Variants in CDH18 observed in about 807,000 individuals in gnomAD.
CDH18 encodes cadherin-18.
In CDH18, 31 loss-of-function variants were observed where a neutral mutation model predicts 67.9. The ratio of observed to expected loss-of-function variants is 0.46; its 90% CI spans 0.34 to 0.62. The LOEUF is 0.62. Ranked by LOEUF, CDH18 falls within the 20% of genes least tolerant of loss-of-function variation. The pLI, the probability that CDH18 is intolerant of heterozygous loss-of-function variation, is 0.01. For missense variants in CDH18, 890 were observed against 975.5 expected, an observed-to-expected ratio of 0.91 and a Z score of 1.17; for synonymous variants, 362 against 347.2, an observed-to-expected ratio of 1.04 and a Z score of -0.48.
chr5:20,270,746 G>C (rs559180697), intron 1 of CDH18, among the ~76,000 whole-genome samples: 65 of 152,182 alleles, frequency 4.3e-4, no homozygotes, highest in African/African-American at 1.5e-3. Flanking sequence ...ATGCCCATCA[G>C]TGGTAGACTG....
In CDH18 at chr5:19,874,675, T is replaced by A. The variant is rs147742007; in HGVS notation, c.-256-35433A>T. On this transcript the variant is annotated intron_variant, in intron 2 of 12. Transcript: ENST00000382275. ...AGAATGGATTTAAAGAGAGAGAAAT[T>A]GAATTGAATTTTACTATATCATTTT... is the stretch of plus-strand genomic sequence containing the variant. 8.3e-4 allele frequency among the ~76,000 whole-genome samples: 126 copies of A among 152,310 alleles called. 3 individuals are homozygous for A. The East Asian group carries it at 0.017, about 21-fold the overall frequency.
At chr5:20,031,634 G>T (rs1046970809) in intron 2 of CDH18, among the ~76,000 whole-genome samples, 3 of 151,846 alleles carry the variant, frequency 2.0e-5, no homozygotes, top group African/African-American at 4.8e-5. Flanking sequence ...ACACTATTTT[G>T]TATTTTTGAA....
chr5:19,528,227 G>A (rs1184949510), intron 9 of CDH18, among the ~76,000 whole-genome samples: 1 of 151,458 alleles, frequency 6.6e-6, no homozygotes, highest in African/African-American at 2.4e-5. Flanking sequence ...TGTGTATAAC[G>A]CCTGTGAACT....
chr5:19,963,239 C>G (rs1267893285), intron 2 of CDH18, among the ~76,000 whole-genome samples: 2 of 152,142 alleles, frequency 1.3e-5, no homozygotes, highest in Admixed American at 6.5e-5. Flanking sequence ...AAGCAGTTTT[C>G]ATTCCTATCC....
intron 2 of CDH18, among the ~76,000 whole-genome samples, chr5:20,160,054 A>G (rs1751854665): frequency 6.6e-6 from 1 of 152,240 alleles, no homozygotes; most frequent in Non-Finnish European, 1.5e-5. Flanking sequence ...ATTTTGTCTC[A>G]GCAAATTAAT....
At chr5:20,148,967 T>A (rs1750883080) in intron 2 of CDH18, among the ~76,000 whole-genome samples, 1 of 152,090 alleles carries the variant, frequency 6.6e-6, no homozygotes, top group African/African-American at 2.4e-5. Context: ...GAACTTTGTC[T>A]CAGTGCAATT....
chr5:19,564,863 T>C (rs567738592), intron 8 of CDH18, among the ~76,000 whole-genome samples: 2 of 151,906 alleles, frequency 1.3e-5, no homozygotes, highest in African/African-American at 4.8e-5. Context: ...GTCCAGGCAG[T>C]GTTCAGCACA....
At chr5:19,811,092 AAG>A (rs1299710616) in intron 3 of CDH18, among the ~76,000 whole-genome samples, 1 of 38,422 alleles carries the variant, frequency 2.6e-5, no homozygotes, top group Non-Finnish European at 5.0e-5. Flanking sequence ...GAAAGAAAGA[AAG>A]AAAGAAAGAA....
chr5:19,500,856 C>T lies in CDH18; in HGVS notation c.1630+2136G>A, dbSNP rs532836003. ...ATATAATGGGTAATTAGCGGCCAGT[C>T]ACGGTAGCTCACACCTGTAATCCCA... On this transcript the variant is annotated intron_variant, in intron 11 of 12. Transcript: ENST00000382275. 2.6e-5 allele frequency among the ~76,000 whole-genome samples: 4 copies of T among 152,156 alleles called. No homozygotes were observed. In the South Asian group the frequency reaches 8.3e-4, roughly 32 times the overall value.
intron 1 of CDH18, among the ~76,000 whole-genome samples, chr5:20,406,828 G>T (rs1021010476): frequency 6.6e-6 from 1 of 152,164 alleles, no homozygotes; most frequent in Non-Finnish European, 1.5e-5. Flanking sequence ...AGTTCCTTTT[G>T]TTAGAAATAC....
At chr5:20,037,130 G>A (rs111296862) in intron 2 of CDH18, among the ~76,000 whole-genome samples, 3,041 of 152,040 alleles carry the variant, frequency 0.02, 47 homozygotes, top group African/African-American at 0.033. Flanking sequence ...GGTTAATATT[G>A]TTATGTGTGA....
chr5:20,221,084 C>G (rs1304978598), intron 2 of CDH18, among the ~76,000 whole-genome samples: 12 of 151,848 alleles, frequency 7.9e-5, no homozygotes, highest in Admixed American at 7.9e-4. Context: ...AAACTAAAAA[C>G]AGAATTACCA....
At chr5:20,330,551 A>T (rs1378544133) in intron 1 of CDH18, among the ~76,000 whole-genome samples, 1 of 152,176 alleles carries the variant, frequency 6.6e-6, no homozygotes, top group Admixed American at 6.5e-5. Flanking sequence ...ACAGTAACAG[A>T]CAAAAATGGC....
chr5:19,950,252 A>C (rs911057712), intron 2 of CDH18, among the ~76,000 whole-genome samples: 6 of 152,092 alleles, frequency 3.9e-5, no homozygotes, highest in Admixed American at 3.3e-4. Context: ...CAATTATTTT[A>C]AGTGAAATAA....
At chr5:20,080,128 A>G (rs1172767709) in intron 2 of CDH18, among the ~76,000 whole-genome samples, 1 of 152,202 alleles carries the variant, frequency 6.6e-6, no homozygotes, top group African/African-American at 2.4e-5. Flanking sequence ...ATATTTATGT[A>G]TGCTATCTTA....
At chr5:19,713,100 C>T (rs531610657) in intron 5 of CDH18, among the ~76,000 whole-genome samples, 2 of 18,408 alleles carry the variant, frequency 1.1e-4, no homozygotes, top group Admixed American at 1.1e-3. Context: ...ACAATAATTC[C>T]CAGTATTTTT....
chr5:19,811,151 AAAGAAAGAAGGAGAGAAAGAAAGAG>A (rs1778676347), intron 3 of CDH18, among the ~76,000 whole-genome samples: 2 of 38,298 alleles, frequency 5.2e-5, no homozygotes, highest in African/African-American at 2.6e-4. Flanking sequence ...AGAAAGAAAG[AAAGAAAGAAGGAGAGAAAGAAAGAG>A]AAGAAAGAGG....
chr5:20,114,784 C>T (rs904826515), intron 2 of CDH18, among the ~76,000 whole-genome samples: 2 of 152,058 alleles, frequency 1.3e-5, no homozygotes, highest in African/African-American at 4.8e-5. Context: ...CTCTACAGCC[C>T]ATTTCCTGCC....
At chr5:20,001,751 G>T (rs1450274272) in intron 2 of CDH18, among the ~76,000 whole-genome samples, 2 of 151,988 alleles carry the variant, frequency 1.3e-5, no homozygotes, top group African/African-American at 2.4e-5. Context: ...CAGGCCTTTC[G>T]GTCACTGTAG....
Sources: gnomAD v4.1 joint callset for allele counts (sites outside exome capture counted in the v4.1 genomes callset) on GRCh38, gnomAD v4.1.1 for gene constraint, MANE v1.5 for transcripts, NCBI Gene and HGNC (gene_info 2026-07-23, HGNC 2026-07-21) for gene names.